ATPAF1: variants seen among roughly 807,000 people sequenced by gnomAD.
The protein encoded by ATPAF1 is homolog of yeast ATP11.
Under a neutral mutation model 43.9 loss-of-function variants are expected in ATPAF1, and 26 were observed. That is an observed-to-expected ratio of 0.59 (90% CI 0.43 to 0.82). The LOEUF is 0.82. Ranked by LOEUF, ATPAF1 falls within the 40% of genes least tolerant of loss-of-function variation. The pLI, the probability that ATPAF1 is intolerant of heterozygous loss-of-function variation, is 0.00. For synonymous variants in ATPAF1, 157 were observed against 168.0 expected, an observed-to-expected ratio of 0.93 and a Z score of 0.50; for missense variants, 366 against 435.0, an observed-to-expected ratio of 0.84 and a Z score of 1.41.
intron 3 of ATPAF1, 81 bp downstream of exon 3, chr1:46,658,606 T>G: frequency 9.4e-7 from 1 of 1,068,356 alleles, no homozygotes; most frequent in Non-Finnish European, 1.4e-6. Flanking sequence ...CCACAGTACT[T>G]ATGTTCAAAT....
rs76286892 is a variant in ATPAF1, at chr1:46,661,594, C to A, written c.376-2857G>T. On this transcript the variant is annotated intron_variant, in intron 2 of 8. Transcript: ENST00000574428. ...TTAGGGCATTATATTGATTTTCCCACCTGAGGTTATACATACAGGTAGGTT... is the reference window on the plus strand; with the variant it reads ...TTAGGGCATTATATTGATTTTCCCAACTGAGGTTATACATACAGGTAGGTT... 0.016 allele frequency among the ~76,000 whole-genome samples: 2,361 copies of A among 152,210 alleles called. 120 individuals are homozygous for A. The East Asian group carries it at 0.18, about 12-fold the overall frequency.
chr1:46,654,163 T>C (rs1392583634), intron 4 of ATPAF1, among the ~76,000 whole-genome samples: 1 of 152,190 alleles, frequency 6.6e-6, no homozygotes, highest in Non-Finnish European at 1.5e-5. Flanking sequence ...ACTTCTTTTT[T>C]TTCACATTTT....
exon 6 of ATPAF1, chr1:46,652,593 C>T (rs1430369111): frequency 6.2e-7 from 1 of 1,613,292 alleles, no homozygotes; most frequent in Non-Finnish European, 8.5e-7. Flanking sequence ...TTGGACAGGA[C>T]TGAGCCCGGT....
exon 9 of ATPAF1, chr1:46,635,620 T>C (rs1675822547): frequency 7.8e-6 from 5 of 639,374 alleles, no homozygotes; most frequent in Non-Finnish European, 5.4e-6. Context: ...TATCAAGTAA[T>C]AGGGCTCATC....
chr1:46,653,260 A>AT lies in ATPAF1; in HGVS notation c.540+556dup, dbSNP rs1266296660. 6.6e-6 allele frequency among the ~76,000 whole-genome samples: 1 copy of AT among 152,164 alleles called. No individual in the cohort carries two copies. Among genetic ancestry groups the AT allele is most frequent in the Non-Finnish European group, 1.5e-5 (1 of 68,042 alleles). ...TTATTATAGTGAAGGCCAGCAAAAC[A>AT]TTAAACCAGAGAAGCCAGCAGCATC... is the stretch of plus-strand genomic sequence containing the variant. On this transcript the variant is annotated intron_variant, in intron 5 of 8. Transcript: ENST00000574428. The surrounding 1 kb of genome is among the most constrained non-coding windows in gnomAD (Gnocchi z 4.8).
At chr1:46,657,832 G>A (rs1422200336) in intron 4 of ATPAF1, among the ~76,000 whole-genome samples, 1 of 152,130 alleles carries the variant, frequency 6.6e-6, no homozygotes, top group Non-Finnish European at 1.5e-5. Flanking sequence ...AAGGAGAAGG[G>A]AAACCTATTT....
intron 1 of ATPAF1, chr1:46,666,112 G>T: frequency 5.3e-6 from 1 of 188,206 alleles, no homozygotes; most frequent in Admixed American, 5.6e-5. Context: ...GGAGGACCCA[G>T]GGACATCTTG....
At chr1:46,647,399 G>A (rs531668575) in intron 6 of ATPAF1, among the ~76,000 whole-genome samples, 6 of 152,206 alleles carry the variant, frequency 3.9e-5, no homozygotes, top group South Asian at 2.1e-4. Context: ...TTTGGGGGTC[G>A]TTTTGCACAT....
Position 46,668,113 on chromosome 1 carries a change from C to T in ATPAF1, c.210G>A (p.Glu70=). 1 of 1,444,628 alleles carries T rather than the reference C, an allele frequency of 6.9e-7. No homozygotes were observed. The highest frequency in any genetic ancestry group is 9.1e-7 in the Non-Finnish European group (1 of 1,097,220). 89.5% of individuals were successfully genotyped at this position (1,444,628 alleles called of 1,614,324 possible). Residue 70 remains glutamate (E), a synonymous_variant, in exon 1 of 9, where the codon GAG becomes GAA. Transcript: ENST00000574428. This position sits in a 1 kb window ranked among gnomAD's most constrained non-coding sequence, Gnocchi z 4.4. ...GGTCGTAGAAAGGGTTGGCCTGGAG[C>T]TCGGCCTCGGCCCCGACCCCGCTGC... is the stretch of plus-strand genomic sequence containing the variant.
chr1:46,668,399 C>T (rs887153666), upstream of ATPAF1: 21 of 1,189,174 alleles, frequency 1.8e-5, no homozygotes, highest in Non-Finnish European at 2.2e-5. The surrounding 1 kb of genome is among the most constrained non-coding windows in gnomAD (Gnocchi z 4.4). Flanking sequence ...CATCCCGCTC[C>T]GAGTGCGCCG....
At chr1:46,646,011 C>CA (rs1197374129) in intron 6 of ATPAF1, among the ~76,000 whole-genome samples, 180 of 151,928 alleles carry the variant, frequency 1.2e-3, no homozygotes, top group African/African-American at 4.3e-3. Flanking sequence ...CCCGTCACTA[C>CA]AAAAAAATAA....
intron 8 of ATPAF1, among the ~76,000 whole-genome samples, chr1:46,636,855 A>C (rs1384114063): frequency 6.6e-6 from 1 of 152,182 alleles, no homozygotes; most frequent in Non-Finnish European, 1.5e-5. Flanking sequence ...GTTGCCATGT[A>C]GTGAGGACAT....
chr1:46,666,211 C>A, intron 1 of ATPAF1: 1 of 208,036 alleles, frequency 4.8e-6, no homozygotes, highest in South Asian at 9.5e-5. Context: ...CATAAAACAC[C>A]ACTCCCTTCA....
At chr1:46,652,127 T>G (rs1262887590) in intron 6 of ATPAF1, among the ~76,000 whole-genome samples, 1 of 151,302 alleles carries the variant, frequency 6.6e-6, no homozygotes, top group African/African-American at 2.4e-5. Context: ...CATTACACAC[T>G]GCACACATGT....
intron 6 of ATPAF1, 77 bp downstream of exon 6, chr1:46,652,504 A>T: frequency 7.0e-7 from 1 of 1,424,384 alleles, no homozygotes; most frequent in Non-Finnish European, 9.9e-7. Context: ...GACAGTATGG[A>T]ATATGACGTG....
chr1:46,668,043 A>T lies in ATPAF1; in HGVS notation c.266+14T>A, dbSNP rs1422222079. 1.7e-5 allele frequency: 24 copies of T among 1,377,864 alleles called. No individual in the cohort carries two copies. The highest frequency in any genetic ancestry group is 2.2e-5 in the Non-Finnish European group (23 of 1,064,368). 85.4% of individuals were successfully genotyped at this position (1,377,864 alleles called of 1,614,324 possible). On this transcript the variant is annotated intron_variant, in intron 1 of 8. Coordinates refer to ENST00000574428, the Ensembl canonical transcript of ATPAF1. This position sits in a 1 kb window ranked among gnomAD's most constrained non-coding sequence, Gnocchi z 4.4. Reference sequence around the variant, plus strand: ...CCCGCCTCCTGCCCGCCTCCAGCCAACCCAGGCCCGCACCTGCGCAGCAGC... The same window carrying T: ...CCCGCCTCCTGCCCGCCTCCAGCCATCCCAGGCCCGCACCTGCGCAGCAGC...
chr1:46,662,889 G>A (rs1429428854), intron 2 of ATPAF1, among the ~76,000 whole-genome samples: 2 of 151,776 alleles, frequency 1.3e-5, no homozygotes, highest in Admixed American at 1.3e-4. Flanking sequence ...CCATTAACTC[G>A]TCATTTAACA....
intron 8 of ATPAF1, among the ~76,000 whole-genome samples, chr1:46,637,564 T>C (rs533812334): frequency 2.0e-5 from 3 of 152,296 alleles, no homozygotes; most frequent in African/African-American, 4.8e-5. Context: ...CAAAAGGTCA[T>C]GGAAAATTCC....
At chr1:46,648,760 T>C (rs1289205324) in intron 6 of ATPAF1, among the ~76,000 whole-genome samples, 3 of 152,040 alleles carry the variant, frequency 2.0e-5, no homozygotes. Flanking sequence ...AGTGGATCAC[T>C]TGAGGTCAGG....
Sources: gnomAD v4.1 joint callset for allele counts (sites outside exome capture counted in the v4.1 genomes callset) on GRCh38, gnomAD v4.1.1 for gene constraint, Gnocchi (gnomAD v3.1) non-coding constraint, MANE v1.5 for transcripts, NCBI Gene and HGNC (gene_info 2026-07-23, HGNC 2026-07-21) for gene names.